CNTN5: variants seen among roughly 807,000 people sequenced by gnomAD.
CNTN5 encodes the protein contactin-5.
Under a neutral mutation model 129.1 loss-of-function variants are expected in CNTN5, and 77 were observed. That is an observed-to-expected ratio of 0.60 (90% CI 0.50 to 0.72). The LOEUF (loss-of-function observed/expected upper bound fraction) is 0.72. CNTN5 is among the 30% of genes least tolerant of loss of function. The probability of loss-of-function intolerance (pLI) is 0.00; values close to 1 mark genes in which losing one functional copy is unlikely to be tolerated. For synonymous variants in CNTN5, 509 were observed against 465.6 expected (o/e 1.09, Z -1.20); for missense variants, 1,478 against 1,328.8 (o/e 1.11, Z -1.75).
chr11:99,265,078 G>A lies in CNTN5; in HGVS notation c.-209-60268G>A, dbSNP rs1334729041. Among the ~76,000 whole-genome samples the A allele has an allele frequency of 2.0e-5, 3 of 151,852 alleles. No individual in the cohort carries two copies. In the South Asian group the frequency reaches 6.2e-4, roughly 31 times the overall value. On this transcript the variant is annotated intron_variant, in intron 1 of 24. Coordinates refer to ENST00000524871, the MANE Select transcript of CNTN5 (RefSeq NM_014361.4). ...TAAAGTAAACAATTAAAACTTAGGT[G>A]TGCTCCATGTATTATTAGAATGATA...
intron 13 of CNTN5, among the ~76,000 whole-genome samples, chr11:100,095,912 G>C (rs191338243): frequency 6.6e-6 from 1 of 152,118 alleles, no homozygotes; most frequent in East Asian, 1.9e-4. Context: ...GTTATAATAA[G>C]TGTTTTAAAC....
intron 1 of CNTN5, among the ~76,000 whole-genome samples, chr11:99,079,517 A>T (rs1057259707): frequency 7.9e-5 from 12 of 152,232 alleles, no homozygotes; most frequent in African/African-American, 2.9e-4. Context: ...CAGAAAGTTC[A>T]AAATCAGTAG....
In CNTN5 at chr11:100,308,599, T is replaced by G. The variant is rs1051978172; in HGVS notation, c.2730+131T>G. 3.4e-5 allele frequency: 47 copies of G among 1,401,720 alleles called. No homozygotes were observed. In the African/African-American group the frequency reaches 6.3e-4, roughly 19 times the overall value. 86.8% of individuals were successfully genotyped at this position (1,401,720 alleles called of 1,614,324 possible). A position where few individuals can be genotyped will look rare whatever the true frequency, so the allele number is the denominator to read the frequency against. ...AAATTTTGCTCTATGTTAAAGAAAC[T>G]AAGAAATACTATTTTACTGGGATGT... is the stretch of plus-strand genomic sequence containing the variant. On this transcript the variant is annotated intron_variant, in intron 21 of 24. Transcript: ENST00000524871.
chr11:100,012,097 G>A (rs909470121), intron 9 of CNTN5, among the ~76,000 whole-genome samples: 2 of 152,112 alleles, frequency 1.3e-5, no homozygotes, highest in African/African-American at 2.4e-5. Context: ...GAAGATCTGG[G>A]GATAGGAGTC....
At chr11:99,408,490 G>T (rs1379116860) in intron 2 of CNTN5, among the ~76,000 whole-genome samples, 1 of 146,580 alleles carries the variant, frequency 6.8e-6, no homozygotes, top group African/African-American at 2.5e-5. Context: ...AAGAAAGAAA[G>T]AAAGAAAGAA....
At chr11:99,767,259 C>T (rs1464048786) in intron 3 of CNTN5, among the ~76,000 whole-genome samples, 1 of 151,980 alleles carries the variant, frequency 6.6e-6, no homozygotes, top group Non-Finnish European at 1.5e-5. Context: ...AAAGAAATCA[C>T]TTGTAAAACT....
chr11:100,076,380 G>C (rs554898656), intron 13 of CNTN5, among the ~76,000 whole-genome samples: 1 of 152,138 alleles, frequency 6.6e-6, no homozygotes, highest in Admixed American at 6.5e-5. Flanking sequence ...CACATGGTGA[G>C]TTTAAAAAAT....
intron 1 of CNTN5, among the ~76,000 whole-genome samples, chr11:99,036,382 T>A (rs911339663): frequency 2.0e-5 from 3 of 152,122 alleles, no homozygotes; most frequent in Non-Finnish European, 4.4e-5. Flanking sequence ...TATTTATAGA[T>A]AATGTTGTTT....
intron 13 of CNTN5, among the ~76,000 whole-genome samples, chr11:100,159,932 C>CT (rs1035876867): frequency 3.3e-5 from 5 of 151,654 alleles, no homozygotes; most frequent in African/African-American, 1.2e-4. Context: ...ATGTATATTT[C>CT]TTTTCATATA....
In CNTN5 at chr11:99,041,500, T is replaced by C. The variant is rs115389219; in HGVS notation, c.-210+20230T>C. 7.1e-3 allele frequency among the ~76,000 whole-genome samples: 1,075 copies of C among 152,328 alleles called. 15 individuals are homozygous for C. The highest frequency in any genetic ancestry group is 0.023 in the African/African-American group (964 of 41,576). On this transcript the variant is annotated intron_variant, in intron 1 of 24. Coordinates refer to ENST00000524871, the MANE Select transcript of CNTN5 (RefSeq NM_014361.4). Reference sequence around the variant, plus strand: ...CACTGAAAACAATTTAACTCATCTTTTTATCCTCATCACCTAGTAGTTACT... The same window carrying C: ...CACTGAAAACAATTTAACTCATCTTCTTATCCTCATCACCTAGTAGTTACT...
At chr11:99,804,202 C>T (rs1946199386) in intron 3 of CNTN5, among the ~76,000 whole-genome samples, 1 of 151,898 alleles carries the variant, frequency 6.6e-6, no homozygotes, top group African/African-American at 2.4e-5. Context: ...ATGTGTTTTA[C>T]AATATGGTAG....
intron 1 of CNTN5, among the ~76,000 whole-genome samples, chr11:99,159,287 A>C (rs1264545088): frequency 6.6e-6 from 1 of 152,190 alleles, no homozygotes; most frequent in East Asian, 1.9e-4. Context: ...ACATTTTATC[A>C]ATTTCAAAAG....
chr11:99,276,554 C>A (rs550838821), intron 1 of CNTN5, among the ~76,000 whole-genome samples: 3 of 151,352 alleles, frequency 2.0e-5, no homozygotes, highest in Non-Finnish European at 4.4e-5. Context: ...AATAATAAAA[C>A]AATTTACCTT....
chr11:99,318,286 C>T (rs1054627108), intron 1 of CNTN5, among the ~76,000 whole-genome samples: 1 of 152,008 alleles, frequency 6.6e-6, no homozygotes, highest in Admixed American at 6.6e-5. Flanking sequence ...AATCTGAAGT[C>T]CAGAGAAGTT....
intron 3 of CNTN5, among the ~76,000 whole-genome samples, chr11:99,592,855 G>T (rs1489060215): frequency 6.6e-6 from 1 of 152,268 alleles, no homozygotes; most frequent in African/African-American, 2.4e-5. Context: ...AGTAAGAAAT[G>T]ATGGTGGGTT....
intron 3 of CNTN5, among the ~76,000 whole-genome samples, chr11:99,694,859 C>A (rs535395507): frequency 1.3e-5 from 2 of 152,084 alleles, no homozygotes; most frequent in Non-Finnish European, 2.9e-5. Flanking sequence ...ACATGAACTG[C>A]GTCTCAAAAC....
intron 4 of CNTN5, among the ~76,000 whole-genome samples, chr11:99,821,123 A>G (rs989601011): frequency 2.6e-5 from 4 of 152,162 alleles, no homozygotes; most frequent in African/African-American, 9.7e-5. Context: ...AGGCATTATT[A>G]TCTTGTGGAG....
At position 99,994,469 on chromosome 11, in the gene CNTN5, T is replaced by C. The variant is rs1428625511; in HGVS notation, c.878-7565T>C. Among the ~76,000 whole-genome samples, 2 of 152,202 alleles carry C rather than the reference T, an allele frequency of 1.3e-5. 1 individual carries two copies. Among genetic ancestry groups the C allele is most frequent in the Middle Eastern group, 6.3e-3 (2 of 316 alleles). ...AAGTCCCTTTCTCCTAAGATCTCTT[T>C]AGACAATTTACTAGAAATAATTATA... On this transcript the variant is annotated intron_variant, in intron 8 of 24. Transcript: ENST00000524871.
intron 9 of CNTN5, among the ~76,000 whole-genome samples, chr11:100,050,519 A>C (rs886714278): frequency 5.9e-5 from 9 of 152,192 alleles, no homozygotes; most frequent in African/African-American, 9.6e-5. Flanking sequence ...AGATATACCT[A>C]ATGCTAAATG....
Sources: gnomAD v4.1 joint callset for allele counts (sites outside exome capture counted in the v4.1 genomes callset) on GRCh38, gnomAD v4.1.1 for gene constraint, MANE v1.5 for transcripts, NCBI Gene and HGNC (gene_info 2026-07-23, HGNC 2026-07-21) for gene names.